Variants in ATOSA observed in about 807,000 individuals in gnomAD.
ATOSA encodes the protein atos homolog protein A.
the ATOSA span, among the ~76,000 whole-genome samples, chr15:52,689,839 A>G: frequency 2.0e-5 from 3 of 152,230 alleles, no homozygotes; most frequent in Non-Finnish European, 2.9e-5. Context: ...GCTGGAGCAG[A>G]CACAGAAGCC....
At chr15:52,665,732 A>G in the ATOSA span, among the ~76,000 whole-genome samples, 537 of 152,338 alleles carry the variant, frequency 3.5e-3, 3 homozygotes, top group African/African-American at 0.011. Context: ...CTTGAAGCTT[A>G]AGTATCCAAC....
At chr15:52,609,653 C>A in the ATOSA span, 2 of 1,613,416 alleles carry the variant, frequency 1.2e-6, no homozygotes. Flanking sequence ...GCTTCTTTAC[C>A]TTTTCCCACG....
chr15:52,591,882 T>C, the ATOSA span, among the ~76,000 whole-genome samples: 15 of 152,180 alleles, frequency 9.9e-5, no homozygotes, highest in Non-Finnish European at 1.6e-4. Flanking sequence ...TAATAACCTA[T>C]GCTGGGCATC....
the ATOSA span, among the ~76,000 whole-genome samples, chr15:52,632,105 G>C: frequency 3.9e-5 from 6 of 152,154 alleles, no homozygotes; most frequent in Non-Finnish European, 8.8e-5. Context: ...GAAGGTAGCT[G>C]TATACCCATT....
At chr15:52,622,429 C>T in the ATOSA span, among the ~76,000 whole-genome samples, 2 of 152,128 alleles carry the variant, frequency 1.3e-5, no homozygotes, top group African/African-American at 4.8e-5. Flanking sequence ...GTTAACATAA[C>T]CACTATGTAG....
chr15:52,589,219 G>A, the ATOSA span, among the ~76,000 whole-genome samples: 4 of 152,134 alleles, frequency 2.6e-5, no homozygotes, highest in African/African-American at 4.8e-5. Flanking sequence ...TCTGCCCTAC[G>A]TGCCTAATGA....
At chr15:52,608,519 C>T in the ATOSA span, 1 of 1,511,120 alleles carries the variant, frequency 6.6e-7, no homozygotes, top group East Asian at 2.3e-5. Context: ...AAAATTTAAA[C>T]CATAACAAAT....
chr15:52,639,012 T>C, the ATOSA span, among the ~76,000 whole-genome samples: 1 of 150,298 alleles, frequency 6.7e-6, no homozygotes, highest in Non-Finnish European at 1.5e-5. Context: ...CTGGAGAAAG[T>C]GACTTGAAAT....
the ATOSA span, among the ~76,000 whole-genome samples, chr15:52,671,044 GAA>G: frequency 5.9e-4 from 90 of 152,174 alleles, no homozygotes; most frequent in Middle Eastern, 0.02. Context: ...CTCTCTCTCA[GAA>G]ACAGCAATAG....
At chr15:52,689,446 A>C in the ATOSA span, among the ~76,000 whole-genome samples, 1 of 152,358 alleles carries the variant, frequency 6.6e-6, no homozygotes, top group South Asian at 2.1e-4. Flanking sequence ...TGTTATGAAG[A>C]CATGGAAACA....
the ATOSA span, among the ~76,000 whole-genome samples, chr15:52,677,543 C>T: frequency 6.6e-6 from 1 of 152,148 alleles, no homozygotes; most frequent in Admixed American, 6.5e-5. Flanking sequence ...TTGGAGTTTG[C>T]TTAAAGCACA....
At chr15:52,592,404 G>C in the ATOSA span, among the ~76,000 whole-genome samples, 4 of 152,146 alleles carry the variant, frequency 2.6e-5, no homozygotes, top group African/African-American at 9.7e-5. Flanking sequence ...CTAGCTACTT[G>C]TCTCTCTTTG....
chr15:52,692,280 A>G, the ATOSA span, among the ~76,000 whole-genome samples: 2 of 152,020 alleles, frequency 1.3e-5, no homozygotes, highest in Non-Finnish European at 2.9e-5. Flanking sequence ...AATAGAAAGC[A>G]AATGATTGTT....
chr15:52,703,247 G>A, the ATOSA span, among the ~76,000 whole-genome samples: 38 of 152,134 alleles, frequency 2.5e-4, no homozygotes, highest in African/African-American at 8.9e-4. Flanking sequence ...GGGCACAGGG[G>A]TAGAGGGAGG....
chr15:52,638,700 A>C, the ATOSA span, among the ~76,000 whole-genome samples: 1 of 1,724 alleles, frequency 5.8e-4, no homozygotes. Context: ...GACTCTGCCA[A>C]AAAAAAAAAA....
chr15:52,671,286 T>C, the ATOSA span, among the ~76,000 whole-genome samples: 1 of 152,192 alleles, frequency 6.6e-6, no homozygotes, highest in African/African-American at 2.4e-5. Flanking sequence ...AAATTAAGTA[T>C]AAAATTGTGA....
At chr15:52,581,459 T>C in the ATOSA span, 131 of 152,158 alleles carry the variant, frequency 8.6e-4, no homozygotes, top group African/African-American at 2.9e-3. Context: ...TAAGGAAAAA[T>C]AGAACTGTTT....
At chr15:52,706,702 G>A in the ATOSA span, among the ~76,000 whole-genome samples, 1 of 152,154 alleles carries the variant, frequency 6.6e-6, no homozygotes, top group Non-Finnish European at 1.5e-5. Flanking sequence ...GAATTCATAA[G>A]TCTATACAGA....
At chr15:52,607,374 T>C in the ATOSA span, among the ~76,000 whole-genome samples, 2 of 152,202 alleles carry the variant, frequency 1.3e-5, no homozygotes, top group Non-Finnish European at 2.9e-5. Context: ...AAGAATTGTT[T>C]ATAAGTACTG....
Sources: allele counts gnomAD v4.1 joint callset (sites outside exome capture counted in the v4.1 genomes callset), GRCh38; gene constraint gnomAD v4.1.1; transcripts MANE v1.5; gene names NCBI Gene and HGNC (gene_info 2026-07-23, HGNC 2026-07-21).